Variants in FRMD1 observed in about 807,000 individuals in gnomAD.
FRMD1 encodes the protein FERM domain-containing protein 1.
FRMD1 carries 51 observed loss-of-function variants against 54.9 expected under a neutral mutation model. That is an observed-to-expected ratio of 0.93 (90% CI 0.74 to 1.17). FRMD1 has a LOEUF of 1.17. FRMD1 is among the 50% of genes most tolerant of loss of function. The probability of loss-of-function intolerance (pLI) is 0.00; values close to 1 mark genes in which losing one functional copy is unlikely to be tolerated. For synonymous variants in FRMD1, 324 were observed against 306.4 expected (o/e 1.06, Z -0.60); for missense variants, 729 against 743.0 (o/e 0.98, Z 0.22).
intron 10 of FRMD1, 81 bp from the exon 11 acceptor site, chr6:168,057,420 CCA>C: frequency 1.3e-6 from 2 of 1,556,066 alleles, no homozygotes; most frequent in East Asian, 4.6e-5. Flanking sequence ...CTGCTTGTGG[CCA>C]CAGAGCCACA....
Position 168,057,248 on chromosome 6 carries a change from G to A in FRMD1, c.1499C>T (p.Pro500Leu). ...GTGGAAGGTATGGCTGAGTGAGGTG[G>A]GCGCTGGGTGCAGGGCCAGCTGGTG... The part of the protein sequence containing the change: ...QLHQLALHPA[P>L]TSLSHTFHRA... Residue 500 changes from proline to leucine, a missense_variant, in exon 11 of 11, where the codon CCC (proline) becomes CTC (leucine). Pro to Leu is a moderately conservative substitution (Grantham distance 98, BLOSUM62 -3). Transcript: ENST00000283309. 6.2e-7 allele frequency: 1 copy of A among 1,610,830 alleles called. No homozygotes were observed. Among genetic ancestry groups the A allele is most frequent in the Non-Finnish European group, 8.5e-7 (1 of 1,178,944 alleles).
At chr6:168,062,545 G>A in intron 7 of FRMD1, 3 of 985,682 alleles carry the variant, frequency 3.0e-6, no homozygotes, top group South Asian at 1.7e-5. Flanking sequence ...CGGCCCTGAT[G>A]CCCCCGAGAG....
intron 4 of FRMD1, chr6:168,065,751 C>A: frequency 1.0e-6 from 1 of 990,730 alleles, no homozygotes; most frequent in Non-Finnish European, 1.2e-6. Context: ...CTCCAGAACC[C>A]TCCCACACAA....
chr6:168,081,419 C>G (rs538377388), upstream of FRMD1: 1 of 1,535,390 alleles, frequency 6.5e-7, no homozygotes, highest in East Asian at 2.4e-5. Flanking sequence ...ATGTCAGGGC[C>G]GGGCAGTGGA....
exon 1 of FRMD1, chr6:168,079,195 CTCACTGGGAAGGGAATTGAGAGGGAAG>C (rs1285242271): frequency 1.3e-5 from 19 of 1,427,392 alleles, no homozygotes; most frequent in African/African-American, 2.7e-4. Context: ...TGCCGAGCTT[CTCACTGGGAAGGGAATTGAGAGGGAAG>C]CCTGGGCTGG....
intron 1 of FRMD1, among the ~76,000 whole-genome samples, chr6:168,087,431 G>C (rs1800939975): frequency 6.6e-6 from 1 of 152,164 alleles, no homozygotes; most frequent in South Asian, 2.1e-4. Context: ...TACAGAGTGG[G>C]GTACATGTTG....
At chr6:168,091,534 C>T (rs540427626) in intron 1 of FRMD1, among the ~76,000 whole-genome samples, 36 of 152,354 alleles carry the variant, frequency 2.4e-4, no homozygotes, top group Non-Finnish European at 4.3e-4. Context: ...CTCCACTGGG[C>T]GTCCTCGCCC....
intron 1 of FRMD1, among the ~76,000 whole-genome samples, chr6:168,091,601 AG>A (rs1336993107): frequency 6.6e-6 from 1 of 152,198 alleles, no homozygotes; most frequent in African/African-American, 2.4e-5. Context: ...ACCCTGGGAG[AG>A]GCTGGCAACT....
At chr6:168,089,333 G>A (rs1800975872) in intron 1 of FRMD1, among the ~76,000 whole-genome samples, 1 of 152,218 alleles carries the variant, frequency 6.6e-6, no homozygotes. Context: ...GGTTTTTAGA[G>A]AACGTTTTTG....
chr6:168,066,981 A>G, intron 3 of FRMD1, 150 bp from the exon 4 acceptor site: 1 of 1,022,782 alleles, frequency 9.8e-7, no homozygotes, highest in South Asian at 1.5e-5. Flanking sequence ...AATTCGACTC[A>G]TGGTATTTTC....
At chr6:168,082,084 T>C (rs576914142), upstream of FRMD1, among the ~76,000 whole-genome samples, 1 of 152,280 alleles carries the variant, frequency 6.6e-6, no homozygotes, top group East Asian at 1.9e-4. Flanking sequence ...TGTGTGGATG[T>C]GAGTGGGCAC....
chr6:168,066,425 G>A, intron 4 of FRMD1: 1 of 577,136 alleles, frequency 1.7e-6, no homozygotes, highest in Non-Finnish European at 2.3e-6. Flanking sequence ...TTGAACCCAG[G>A]AGGTGGAGGT....
intron 4 of FRMD1, chr6:168,066,434 G>C: frequency 1.8e-5 from 11 of 614,184 alleles, no homozygotes; most frequent in Non-Finnish European, 2.4e-5. Flanking sequence ...GGAGGTGGAG[G>C]TTGCAGTGAG....
At chr6:168,091,630 A>G (rs1294652291) in intron 1 of FRMD1, among the ~76,000 whole-genome samples, 1 of 152,214 alleles carries the variant, frequency 6.6e-6, no homozygotes, top group Non-Finnish European at 1.5e-5. Flanking sequence ...GCGGGGCCCC[A>G]GCATCTGTGT....
chr6:168,082,418 A>G (rs1156569098), upstream of FRMD1, among the ~76,000 whole-genome samples: 1 of 152,166 alleles, frequency 6.6e-6, no homozygotes, highest in East Asian at 1.9e-4. Context: ...CTGAAATCCA[A>G]AAAGAAACCC....
At chr6:168,080,740 G>A (rs1435475617), upstream of FRMD1, among the ~76,000 whole-genome samples, 1 of 152,138 alleles carries the variant, frequency 6.6e-6, no homozygotes, top group African/African-American at 2.4e-5. Context: ...GAGAGCCGGG[G>A]ACACGGTGGG....
intron 1 of FRMD1, among the ~76,000 whole-genome samples, chr6:168,077,707 A>G (rs1360300470): frequency 6.6e-6 from 1 of 152,248 alleles, no homozygotes; most frequent in Non-Finnish European, 1.5e-5. Context: ...TTCTAGCTGC[A>G]TGATCCCTCA....
In FRMD1 at chr6:168,060,891, G is replaced by A; in HGVS notation, c.1212C>T (p.Asn404=). The A allele has an allele frequency of 3.7e-6, 6 of 1,613,864 alleles. No homozygotes were observed. In the Middle Eastern group the frequency reaches 8.2e-4, roughly 222 times the overall value. Residue 404 remains asparagine (N), a synonymous_variant, in exon 9 of 11, where the codon AAC becomes AAT. Transcript: ENST00000283309. ...GSSYTSGIKA[N]SWLRESREMS... is the part of the protein sequence containing the mutation. ...TCTCTCTGGATTCCCTGAGCCAGGA[G>A]TTGGCCTTGATGCCTGACGTGTAGG... is the stretch of plus-strand genomic sequence containing the variant.
intron 5 of FRMD1, among the ~76,000 whole-genome samples, chr6:168,064,607 C>G (rs1391593420): frequency 6.6e-6 from 1 of 152,228 alleles, no homozygotes; most frequent in Non-Finnish European, 1.5e-5. Flanking sequence ...TGCAAGGCCA[C>G]ACAGCTGGCT....
Sources: gnomAD v4.1 joint callset for allele counts (sites outside exome capture counted in the v4.1 genomes callset) on GRCh38, gnomAD v4.1.1 for gene constraint, MANE v1.5 for transcripts, NCBI Gene and HGNC (gene_info 2026-07-23, HGNC 2026-07-21) for gene names.